PAX8: variants seen among roughly 807,000 people sequenced by gnomAD.
PAX8 encodes paired box 8, also known as paired box protein Pax-8.
Under a neutral mutation model 52.4 loss-of-function variants are expected in PAX8, and 15 were observed. That is an observed-to-expected ratio of 0.29 (90% CI 0.19 to 0.44). PAX8 has a LOEUF of 0.44. PAX8 is among the 20% of genes least tolerant of loss of function. The pLI, the probability that PAX8 is intolerant of heterozygous loss-of-function variation, is 1.00. For synonymous variants in PAX8, 284 were observed against 249.7 expected (o/e 1.14, Z -1.29); for missense variants, 554 against 602.5 (o/e 0.92, Z 0.84).
chr2:113,226,029 C>T (rs1689547782), intron 10 of PAX8: 1 of 985,648 alleles, frequency 1.0e-6, no homozygotes, highest in Non-Finnish European at 1.2e-6. Context: ...AGCACATCGC[C>T]ACGGTAACCA....
At chr2:113,218,850 T>G (rs1689119520) in intron 11 of PAX8, among the ~76,000 whole-genome samples, 1 of 152,184 alleles carries the variant, frequency 6.6e-6, no homozygotes, top group Non-Finnish European at 1.5e-5. Flanking sequence ...TATGGCTGCT[T>G]TGACCTTCAA....
At chr2:113,226,994 G>A (rs1336636256) in intron 10 of PAX8, 161 bp downstream of exon 10, 46 of 1,525,270 alleles carry the variant, frequency 3.0e-5, no homozygotes, top group Admixed American at 5.9e-5. Flanking sequence ...CTGGGACATC[G>A]TCTCCAGGCA....
At chr2:113,235,317 G>C in intron 9 of PAX8, 77 bp downstream of exon 9, 1 of 1,254,110 alleles carries the variant, frequency 8.0e-7, no homozygotes, top group Non-Finnish European at 1.1e-6. Context: ...GCCAGAGAGG[G>C]GGCTGGCGGT....
At chr2:113,228,317 G>A (rs1015218565) in intron 9 of PAX8, among the ~76,000 whole-genome samples, 1 of 152,216 alleles carries the variant, frequency 6.6e-6, no homozygotes, top group Non-Finnish European at 1.5e-5. Context: ...GTGATGACCA[G>A]TATCCCAGCA....
chr2:113,222,111 T>G (rs1309388103), intron 10 of PAX8, among the ~76,000 whole-genome samples: 1 of 152,196 alleles, frequency 6.6e-6, no homozygotes, highest in African/African-American at 2.4e-5. Flanking sequence ...GGTCACATAT[T>G]CAGTGAAAGC....
intron 2 of PAX8, among the ~76,000 whole-genome samples, chr2:113,258,131 TG>T: frequency 6.6e-6 from 1 of 152,354 alleles, no homozygotes; most frequent in Non-Finnish European, 1.5e-5. Flanking sequence ...CTACCAAGTA[TG>T]GGTGCTTTCC....
chr2:113,243,607 G>A (rs1691062611), intron 4 of PAX8, among the ~76,000 whole-genome samples: 2 of 152,136 alleles, frequency 1.3e-5, no homozygotes, highest in Admixed American at 1.3e-4. Context: ...GGCCAGGTTG[G>A]TCTCGAACGC....
At chr2:113,259,277 C>T (rs957143815) in intron 2 of PAX8, 1 of 152,706 alleles carries the variant, frequency 6.5e-6, no homozygotes, top group Admixed American at 6.5e-5. Flanking sequence ...TGATGCTTCC[C>T]CCTCTGTGAA....
chr2:113,277,430 G>A (rs1227792079), intron 2 of PAX8, among the ~76,000 whole-genome samples: 1 of 152,168 alleles, frequency 6.6e-6, no homozygotes, highest in Non-Finnish European at 1.5e-5. Context: ...TGCAGAGCGG[G>A]ACATCATATT....
chr2:113,253,802 T>G lies in PAX8; in HGVS notation c.26-6883A>C, dbSNP rs913756507. On this transcript the variant is annotated intron_variant, in intron 2 of 11. Transcript: ENST00000429538. ...CATCAAATATAACTGCTGTTTGGAA[T>G]CTGGTTGAAAGTGAGGGGAAGAAAA... Among the ~76,000 whole-genome samples, 6 of 152,278 alleles carry G rather than the reference T, an allele frequency of 3.9e-5. No homozygotes were observed. The East Asian group carries it at 1.2e-3, about 29-fold the overall frequency.
chr2:113,250,644 C>T (rs1237282842), intron 2 of PAX8: 4 of 152,178 alleles, frequency 2.6e-5, no homozygotes, highest in African/African-American at 4.8e-5. Context: ...GTAAATTAAG[C>T]GTAAGAGAAT....
chr2:113,238,393 A>G (rs1690544516), intron 7 of PAX8: 1 of 152,608 alleles, frequency 6.6e-6, no homozygotes, highest in Non-Finnish European at 1.5e-5. Flanking sequence ...TTGAAATTGA[A>G]CAAAATACCT....
intron 8 of PAX8, 108 bp from the exon 9 acceptor site, chr2:113,235,690 A>T: frequency 1.2e-6 from 1 of 850,912 alleles, no homozygotes; most frequent in East Asian, 2.7e-5. Flanking sequence ...GGCGCGGGGC[A>T]GGCTCAGCTG....
At position 113,242,818 on chromosome 2, in the gene PAX8, G is replaced by A. The variant is rs758013537; in HGVS notation, c.390-40C>T. 11 of 1,514,688 alleles carry A rather than the reference G, an allele frequency of 7.3e-6. No individual in the cohort carries two copies. In the African/African-American group the frequency reaches 1.4e-4, roughly 19 times the overall value. 93.8% of individuals were successfully genotyped at this position (1,514,688 alleles called of 1,614,324 possible). On this transcript the variant is annotated intron_variant, in intron 4 of 11. Coordinates refer to ENST00000429538, the MANE Select transcript of PAX8 (RefSeq NM_003466.4). ...AGAAAGGCCATGAGAGAGAAGAGGA[G>A]GAAAGAGAACTCATGGCTGCCCCAG...
At chr2:113,265,012 A>G (rs759809568) in intron 2 of PAX8, among the ~76,000 whole-genome samples, 6 of 152,226 alleles carry the variant, frequency 3.9e-5, no homozygotes, top group Non-Finnish European at 8.8e-5. Flanking sequence ...TTGCCTGAAA[A>G]TGGCTTGTTA....
At position 113,242,064 on chromosome 2, in the gene PAX8, A is replaced by G; in HGVS notation, c.545T>C (p.Ile182Thr). 6.2e-7 allele frequency: 1 copy of G among 1,613,696 alleles called. No individual in the cohort carries two copies. The highest frequency in any genetic ancestry group is 8.5e-7 in the Non-Finnish European group (1 of 1,179,820). The change falls in exon 6 of 12, where the codon ATC (isoleucine) becomes ACC (threonine). Residue 182 changes from isoleucine (I) to threonine (T), a missense_variant. Ile to Thr is a moderately conservative substitution (Grantham distance 89). This residue lies in a region of PAX8 where 445 missense variants were observed against 409.9 expected (regional missense o/e 1.09). Coordinates refer to ENST00000429538, the MANE Select transcript of PAX8 (RefSeq NM_003466.4). ...CTGAGCGATGCCCAGGAGCCCATTGATGGAGTAGGTGGAGCCCAGGGAATC... is the reference window on the plus strand; with the variant it reads ...CTGAGCGATGCCCAGGAGCCCATTGGTGGAGTAGGTGGAGCCCAGGGAATC... The part of the protein sequence containing the change: ...QSDSLGSTYS[I>T]NGLLGIAQPG...
rs1207887687 is a variant in PAX8 at position 113,217,838 on chromosome 2, A to G, written c.*695T>C. On this transcript the variant is annotated 3_prime_UTR_variant, in exon 12 of 12. Transcript: ENST00000429538. ...AGCTGCCAAGGGGATGCCGCACTGCAGGAGGACCTGGGGTGGTGCTATACC... is the reference window on the plus strand; with the variant it reads ...AGCTGCCAAGGGGATGCCGCACTGCGGGAGGACCTGGGGTGGTGCTATACC... 1.7e-5 allele frequency: 4 copies of G among 233,136 alleles called. No individual in the cohort carries two copies. Among genetic ancestry groups the G allele is most frequent in the Non-Finnish European group, 3.4e-5 (4 of 118,114 alleles). The allele number at this position is 233,136 out of a possible 1,614,324, so 14.4% of individuals were successfully genotyped here.
intron 2 of PAX8, chr2:113,255,526 A>C (rs1692189366): frequency 6.6e-6 from 1 of 152,422 alleles, no homozygotes; most frequent in Non-Finnish European, 1.5e-5. Context: ...CACATATCAG[A>C]TCTTCAACGT....
chr2:113,226,366 C>T (rs1266473471), intron 10 of PAX8: 1 of 985,572 alleles, frequency 1.0e-6, no homozygotes, highest in Non-Finnish European at 1.2e-6. Flanking sequence ...TCAATTATGT[C>T]TCATCCATCC....
Sources: allele counts gnomAD v4.1 joint callset (sites outside exome capture counted in the v4.1 genomes callset), GRCh38; gene constraint gnomAD v4.1.1; regional missense constraint gnomAD v4.1.1; transcripts MANE v1.5; gene names NCBI Gene and HGNC (gene_info 2026-07-23, HGNC 2026-07-21).